Variants in ZNF791 observed in about 807,000 individuals in gnomAD.
ZNF791 encodes the protein zinc finger protein 791.
Under a neutral mutation model 11.5 loss-of-function variants are expected in ZNF791, and 4 were observed. The ratio of observed to expected loss-of-function variants is 0.35; its 90% CI spans 0.17 to 0.80. ZNF791 has a LOEUF of 0.80. ZNF791 is among the 30% of genes least tolerant of loss of function. ZNF791 has a pLI of 0.53. For missense variants in ZNF791, 559 were observed against 699.4 expected (o/e 0.80, Z 2.26); for synonymous variants, 212 against 228.1 (o/e 0.93, Z 0.64).
At chr19:12,623,081 A>G (rs1284590594) in intron 1 of ZNF791, among the ~76,000 whole-genome samples, 3 of 152,074 alleles carry the variant, frequency 2.0e-5, no homozygotes, top group Admixed American at 6.6e-5. Context: ...TCTCTTAGAA[A>G]ACAACAAACA....
intron 1 of ZNF791, 170 bp from the exon 2 acceptor site, chr19:12,623,530 G>GAAGATGTAGCTAT: frequency 1.3e-6 from 1 of 758,632 alleles, no homozygotes. Context: ...TGACCACAGT[G>GAAGATGTAGCTAT]AAGATGTAGC....
At chr19:12,619,155 A>G (rs950489097) in intron 1 of ZNF791, among the ~76,000 whole-genome samples, 2 of 151,836 alleles carry the variant, frequency 1.3e-5, no homozygotes, top group Non-Finnish European at 2.9e-5. Flanking sequence ...ACCTCTCAGT[A>G]TATTTCTCAT....
At chr19:12,622,893 C>CAAAAAAAAA in intron 1 of ZNF791, among the ~76,000 whole-genome samples, 1 of 93,736 alleles carries the variant, frequency 1.1e-5, no homozygotes, top group Non-Finnish European at 2.1e-5. Context: ...GACTCCGTCT[C>CAAAAAAAAA]AAAAAAAAAA....
intron 1 of ZNF791, among the ~76,000 whole-genome samples, chr19:12,617,416 G>A (rs1190050337): frequency 2.0e-5 from 3 of 152,054 alleles, no homozygotes; most frequent in African/African-American, 4.8e-5. Flanking sequence ...GAGTCACTGC[G>A]CCCGGCCCAA....
rs2023516739 is a variant in ZNF791, at chr19:12,632,926, T to G, written c.*3666T>G. 1 of 151,982 alleles carries G rather than the reference T, an allele frequency of 6.6e-6. No individual in the cohort carries two copies. Among genetic ancestry groups the G allele is most frequent in the South Asian group, 2.1e-4 (1 of 4,806 alleles). 9.4% of individuals were successfully genotyped at this position (151,982 alleles called of 1,614,324 possible). On this transcript the variant is annotated 3_prime_UTR_variant, in exon 4 of 4. Coordinates refer to ENST00000343325, the MANE Select transcript of ZNF791 (RefSeq NM_153358.3). ...CTGGCTAATACAGTGAAACCCCGTC[T>G]CTACTATAAATACAAAAAATTAGCT...
rs1287913574 is a variant in ZNF791, at chr19:12,629,045, A to C, written c.1516A>C (p.Ile506Leu). The C allele has an allele frequency of 1.9e-6, 3 of 1,612,072 alleles. No individual in the cohort carries two copies. The South Asian group carries it at 3.3e-5, about 18-fold the overall frequency. ...ATGTAAGGAATGCGGGAAGGCCTTT[A>C]TTTATCCCACAAGCTTTCAAGGACA... ...YECKECGKAF[I>L]YPTSFQGHMR... is the part of the protein sequence containing the mutation. Residue 506 changes from isoleucine to leucine, a missense_variant, in exon 4 of 4, where the codon ATT becomes CTT. Coordinates refer to ENST00000343325, the MANE Select transcript of ZNF791 (RefSeq NM_153358.3).
Position 12,628,485 on chromosome 19 carries a change from A to G in ZNF791, c.956A>G (p.Glu319Gly), listed in dbSNP as rs1055455762. 9.9e-6 allele frequency: 16 copies of G among 1,612,544 alleles called. No individual in the cohort carries two copies. In the African/African-American group the frequency reaches 2.1e-4, roughly 22 times the overall value. Reference sequence around the variant, plus strand: ...TGTTCCACCTCCATTCAAATTCATGAAAGAATTCATACTGGAGAGAAGCCC... The same window carrying G: ...TGTTCCACCTCCATTCAAATTCATGGAAGAATTCATACTGGAGAGAAGCCC... ...FRCSTSIQIH[E>G]RIHTGEKPYK... The change falls in exon 4 of 4, where the codon GAA becomes GGA. Residue 319 changes from glutamate (E) to glycine (G), a missense_variant. Physicochemically the swap from Glu to Gly is moderately conservative, Grantham distance 98. Transcript: ENST00000343325.
chr19:12,615,916 A>G (rs2023239101), intron 1 of ZNF791, among the ~76,000 whole-genome samples: 1 of 152,194 alleles, frequency 6.6e-6, no homozygotes, highest in Non-Finnish European at 1.5e-5. Context: ...TTTTGTATGA[A>G]CAGTATTTTT....
chr19:12,614,191 C>T (rs927404036), intron 1 of ZNF791, among the ~76,000 whole-genome samples: 3 of 152,114 alleles, frequency 2.0e-5, no homozygotes, highest in East Asian at 3.9e-4. Context: ...TGCTTCTATC[C>T]TCCATTACCA....
At chr19:12,617,080 A>G (rs1253768821) in intron 1 of ZNF791, among the ~76,000 whole-genome samples, 3 of 151,016 alleles carry the variant, frequency 2.0e-5, no homozygotes, top group Admixed American at 1.3e-4. Flanking sequence ...ACAAATTTTG[A>G]TAAGTTCTAT....
At chr19:12,623,364 C>T in intron 1 of ZNF791, 1 of 254,798 alleles carries the variant, frequency 3.9e-6, no homozygotes, top group Non-Finnish European at 7.6e-6. Flanking sequence ...GTGATTGTAC[C>T]ACTGCACTCC....
At chr19:12,620,603 T>C (rs1272605305) in intron 1 of ZNF791, among the ~76,000 whole-genome samples, 1 of 152,164 alleles carries the variant, frequency 6.6e-6, no homozygotes, top group Non-Finnish European at 1.5e-5. Flanking sequence ...ACCATAGTCC[T>C]AATTACTTAA....
chr19:12,627,138 A>C (rs1411435321), intron 3 of ZNF791, among the ~76,000 whole-genome samples: 2 of 150,410 alleles, frequency 1.3e-5, no homozygotes, highest in African/African-American at 4.9e-5. Context: ...CCATGATTGC[A>C]TCACTGTACT....
intron 1 of ZNF791, among the ~76,000 whole-genome samples, chr19:12,617,813 C>G (rs542605145): frequency 2.4e-4 from 29 of 122,682 alleles, no homozygotes; most frequent in African/African-American, 8.8e-4. Flanking sequence ...TGTCACCAGG[C>G]TGGAATGCAG....
intron 3 of ZNF791, 114 bp from the exon 4 acceptor site, chr19:12,627,607 C>G: frequency 1.0e-6 from 1 of 971,172 alleles, no homozygotes; most frequent in Admixed American, 2.5e-5. Flanking sequence ...GCCTGGGGAA[C>G]AAGAACAAGA....
chr19:12,617,913 CT>C (rs958944041), intron 1 of ZNF791, among the ~76,000 whole-genome samples: 2,536 of 94,688 alleles, frequency 0.027, 39 homozygotes, highest in African/African-American at 0.098. Context: ...CTAAATTTTG[CT>C]TTTTTTTTTT....
chr19:12,610,998 T>G lies in ZNF791; in HGVS notation c.-82T>G. 6 of 1,594,242 alleles carry G rather than the reference T, an allele frequency of 3.8e-6. No individual in the cohort carries two copies. Among genetic ancestry groups the G allele is most frequent in the Non-Finnish European group, 5.2e-6 (6 of 1,162,744 alleles). ...GGCCCCTTGACGCGTCAGGTTGCTG[T>G]ACCCCTGCATCGGATGCGCTGTACC... is the stretch of plus-strand genomic sequence containing the variant. On this transcript the variant is annotated 5_prime_UTR_variant, in exon 1 of 4. Transcript: ENST00000343325.
chr19:12,633,344 A>T lies in ZNF791; in HGVS notation c.*4084A>T, dbSNP rs972606479. On this transcript the variant is annotated 3_prime_UTR_variant, in exon 4 of 4. Transcript: ENST00000343325. ...TGGCCCTCCTGCTACCTGTCGACAC[A>T]GGTAAATTTCCTAGAATCTGTTCCC... 1 of 152,144 alleles carries T rather than the reference A, an allele frequency of 6.6e-6. No individual in the cohort carries two copies. The highest frequency in any genetic ancestry group is 6.5e-5 in the Admixed American group (1 of 15,268). 9.4% of individuals were successfully genotyped at this position (152,144 alleles called of 1,614,324 possible).
rs1568291025 is a variant in ZNF791 at position 12,628,694 on chromosome 19, T to C, written c.1165T>C (p.Cys389Arg). Residue 389 changes from cysteine (C) to arginine (R), a missense_variant, in exon 4 of 4, where the codon TGT becomes CGT. By Grantham distance (180) the Cys-to-Arg change is radical. Coordinates refer to ENST00000343325, the MANE Select transcript of ZNF791 (RefSeq NM_153358.3). The stretch of plus-strand genomic sequence containing the variant: ...AGAGAAACCCTACGAATGTAAAAAA[T>C]GTGGGAAAACTTTCAATTATCCTCT... ...TGEKPYECKK[C>R]GKTFNYPLDL... The C allele has an allele frequency of 3.7e-6, 6 of 1,600,802 alleles. No homozygotes were observed. The highest frequency in any genetic ancestry group is 5.1e-6 in the Non-Finnish European group (6 of 1,174,712).
Sources: gnomAD v4.1 joint callset for allele counts (sites outside exome capture counted in the v4.1 genomes callset) on GRCh38, gnomAD v4.1.1 for gene constraint, MANE v1.5 for transcripts, NCBI Gene and HGNC (gene_info 2026-07-23, HGNC 2026-07-21) for gene names.